Variants in CTNNA2 observed in about 807,000 individuals in gnomAD.
The protein encoded by CTNNA2 is catenin alpha 2.
In CTNNA2, 42 loss-of-function variants were observed where a neutral mutation model predicts 101.0. That is an observed-to-expected ratio of 0.42 (90% CI 0.32 to 0.54). CTNNA2 has a LOEUF of 0.54. CTNNA2 is among the 20% of genes least tolerant of loss of function. CTNNA2 has a pLI of 0.14. For missense variants in CTNNA2, 871 were observed against 1,223.1 expected (o/e 0.71, Z 4.29); for synonymous variants, 450 against 456.4 (o/e 0.99, Z 0.18).
intron 10 of CTNNA2, 40 bp downstream of exon 10, chr2:80,545,114 CCTT>C: frequency 6.3e-7 from 1 of 1,587,120 alleles, no homozygotes; most frequent in Non-Finnish European, 8.6e-7. Context: ...CTGTCAGTGA[CCTT>C]CTCCACTCCA....
At position 79,263,864 on chromosome 2, in the gene CTNNA2, G is replaced by A. The variant is rs116361040; in HGVS notation, c.-405-48845G>A. Among the ~76,000 whole-genome samples, 308 of 152,180 alleles carry A rather than the reference G, an allele frequency of 2.0e-3. 1 individual carries two copies. The highest frequency in any genetic ancestry group is 7.2e-3 in the African/African-American group (299 of 41,514). ...CTGTGAGCCAAATACATTTCTATTG[G>A]TTATAACTTACCCAGTCTGTGGTAT... On this transcript the variant is annotated intron_variant, in intron 2 of 21. Transcript: ENST00000466387.
At chr2:80,482,530 C>T (rs1001013443) in intron 9 of CTNNA2, among the ~76,000 whole-genome samples, 10 of 152,170 alleles carry the variant, frequency 6.6e-5, no homozygotes, top group Middle Eastern at 3.2e-3. Context: ...ATGAGAATGG[C>T]TGTGTTCCAA....
At chr2:80,078,384 A>G (rs1237421878) in intron 7 of CTNNA2, among the ~76,000 whole-genome samples, 1 of 152,148 alleles carries the variant, frequency 6.6e-6, no homozygotes, top group Non-Finnish European at 1.5e-5. Flanking sequence ...AGTACTAGAT[A>G]GAGAAGGGGA....
intron 7 of CTNNA2, chr2:80,305,433 A>T (rs1558988507): frequency 1.0e-6 from 1 of 957,456 alleles, no homozygotes; most frequent in Non-Finnish European, 1.2e-6. Context: ...ACTGTCTGAC[A>T]TGGGGAGGGC....
At position 80,303,562 on chromosome 2, in the gene CTNNA2, C is replaced by G. The variant is rs200396240; in HGVS notation, c.1057-89649C>G. On this transcript the variant is annotated intron_variant, in intron 7 of 18. Transcript: ENST00000402739. The surrounding 1 kb of genome is among the most constrained non-coding windows in gnomAD (Gnocchi z 7.7). ...AGAGCCACGTGAGCTGCATTAACCC[C>G]GTGAACTGGCCGGCGCGCAGCTCCG... is the stretch of plus-strand genomic sequence containing the variant. 302 of 1,614,108 alleles carry G rather than the reference C, an allele frequency of 1.9e-4. 1 individual carries two copies. Among genetic ancestry groups the G allele is most frequent in the Admixed American group, 4.2e-4 (25 of 60,012 alleles).
At chr2:80,617,025 T>C (rs2149799211) in intron 17 of CTNNA2, among the ~76,000 whole-genome samples, 1 of 151,908 alleles carries the variant, frequency 6.6e-6, no homozygotes, top group South Asian at 2.1e-4. Flanking sequence ...TATTTCAATA[T>C]TTTAAAAGTG....
chr2:79,674,151 C>T (rs1683034841), intron 2 of CTNNA2, among the ~76,000 whole-genome samples: 1 of 152,164 alleles, frequency 6.6e-6, no homozygotes, highest in South Asian at 2.1e-4. Context: ...GACATGTGGT[C>T]CCTGAATCAC....
chr2:79,397,689 G>A (rs1335209273), intron 4 of CTNNA2, among the ~76,000 whole-genome samples: 2 of 151,860 alleles, frequency 1.3e-5, no homozygotes, highest in South Asian at 4.2e-4. Flanking sequence ...TTAGAGACAA[G>A]GTCTCACTTT....
chr2:79,801,888 A>G (rs1373384558), intron 3 of CTNNA2, among the ~76,000 whole-genome samples: 2 of 149,662 alleles, frequency 1.3e-5, no homozygotes, highest in Non-Finnish European at 3.0e-5. Context: ...GCTACTCGGG[A>G]GGCTGAGGCA....
chr2:79,339,046 C>T (rs777703645), intron 3 of CTNNA2, among the ~76,000 whole-genome samples: 20 of 152,044 alleles, frequency 1.3e-4, no homozygotes, highest in Non-Finnish European at 2.1e-4. Flanking sequence ...ACCCAGAGGG[C>T]TGTAGGTAGA....
chr2:79,385,895 G>C (rs1043717441), intron 4 of CTNNA2, among the ~76,000 whole-genome samples: 1 of 152,088 alleles, frequency 6.6e-6, no homozygotes, highest in Non-Finnish European at 1.5e-5. Flanking sequence ...AGTATTTCAT[G>C]GTGTATATGT....
chr2:80,271,400 C>A (rs891690622), intron 7 of CTNNA2, among the ~76,000 whole-genome samples: 1 of 151,266 alleles, frequency 6.6e-6, no homozygotes, highest in African/African-American at 2.4e-5. Flanking sequence ...ACCACATTGA[C>A]CAAGCTTCTT....
chr2:79,303,938 C>T (rs73938170), intron 2 of CTNNA2, among the ~76,000 whole-genome samples: 10,489 of 152,022 alleles, frequency 0.069, 436 homozygotes, highest in African/African-American at 0.1. Flanking sequence ...CAGAGCATTA[C>T]CCATGCAGAT....
chr2:80,447,600 A>G (rs1683178173), intron 9 of CTNNA2, among the ~76,000 whole-genome samples: 1 of 152,222 alleles, frequency 6.6e-6, no homozygotes, highest in African/African-American at 2.4e-5. Flanking sequence ...TAGTGGGGGA[A>G]AAGCTCCTAG....
At chr2:80,544,891 G>A (rs1691903575) in intron 9 of CTNNA2, 91 bp from the exon 10 acceptor site, 2 of 1,045,930 alleles carry the variant, frequency 1.9e-6, no homozygotes, top group Non-Finnish European at 2.8e-6. Flanking sequence ...TCTCCTGGAA[G>A]AGACATCTGC....
rs117297802 is a variant in CTNNA2, at chr2:79,990,448, G to A, written c.1056+80651G>A. Among the ~76,000 whole-genome samples the A allele has an allele frequency of 1.6e-3, 243 of 152,178 alleles. 2 individuals carry two copies. The East Asian group carries it at 0.041, about 26-fold the overall frequency. Reference sequence around the variant, plus strand: ...GATGAAGGGAGTCGCACTGATACACGGTGGCTAAGAAAACTAACTTTGGAG... The same window carrying A: ...GATGAAGGGAGTCGCACTGATACACAGTGGCTAAGAAAACTAACTTTGGAG... On this transcript the variant is annotated intron_variant, in intron 7 of 18. Coordinates refer to ENST00000402739, the MANE Select transcript of CTNNA2 (RefSeq NM_001282597.3).
At chr2:79,963,424 C>T (rs1185273879) in intron 7 of CTNNA2, among the ~76,000 whole-genome samples, 2 of 152,204 alleles carry the variant, frequency 1.3e-5, no homozygotes, top group East Asian at 3.9e-4. Context: ...ACGATGTATA[C>T]ATCCAGCAGC....
At chr2:80,591,951 A>G (rs1367632266) in intron 15 of CTNNA2, among the ~76,000 whole-genome samples, 1 of 151,478 alleles carries the variant, frequency 6.6e-6, no homozygotes, top group African/African-American at 2.4e-5. Context: ...TGGCAGAAGC[A>G]CCATCCTGCA....
intron 4 of CTNNA2, among the ~76,000 whole-genome samples, chr2:79,406,745 GA>G (rs1351692583): frequency 2.0e-5 from 3 of 151,840 alleles, no homozygotes; most frequent in African/African-American, 7.3e-5. Flanking sequence ...TTTGACCAAG[GA>G]AAAAATCTTG....
Sources: gnomAD v4.1 joint callset for allele counts (sites outside exome capture counted in the v4.1 genomes callset) on GRCh38, gnomAD v4.1.1 for gene constraint, Gnocchi (gnomAD v3.1) non-coding constraint, MANE v1.5 for transcripts, NCBI Gene and HGNC (gene_info 2026-07-23, HGNC 2026-07-21) for gene names.